Variants in NALCN observed in about 807,000 individuals in gnomAD.
NALCN encodes sodium leak channel, non-selective.
A neutral mutation model predicts 225.3 loss-of-function variants in NALCN; 111 were observed. That is an observed-to-expected ratio of 0.49 (90% CI 0.42 to 0.58). The LOEUF is 0.58. Among genes scored for constraint, NALCN ranks in the 20% least tolerant of loss-of-function variants. NALCN has a pLI of 0.00. For missense variants in NALCN, 1,378 were observed against 2,202.4 expected (o/e 0.63, Z 7.49); for synonymous variants, 764 against 769.0 (o/e 0.99, Z 0.11).
chr13:101,152,327 G>T (rs988005558), intron 15 of NALCN, among the ~76,000 whole-genome samples: 1 of 152,146 alleles, frequency 6.6e-6, no homozygotes, highest in Non-Finnish European at 1.5e-5. Context: ...CTCTGTTTTC[G>T]GAGGGGCGGA....
Position 101,095,638 on chromosome 13 carries a change from T to C in NALCN, c.3205A>G (p.Lys1069Glu). The change falls in exon 28 of 44, where the codon AAG becomes GAG. Residue 1069 changes from lysine (K) to glutamate (E), a missense_variant. Transcript: ENST00000251127. The part of the protein sequence containing the change: ...GIFRINVSVS[K>E]NLNLKLRPGE... Reference sequence around the variant, plus strand: ...GGCCTCAATTTTAAATTTAAGTTCTTTGACACACTGACATTAATTCTGAAT... The same window carrying C: ...GGCCTCAATTTTAAATTTAAGTTCTCTGACACACTGACATTAATTCTGAAT... 1 of 1,613,274 alleles carries C rather than the reference T, an allele frequency of 6.2e-7. No individual in the cohort carries two copies. The highest frequency in any genetic ancestry group is 8.5e-7 in the Non-Finnish European group (1 of 1,179,510).
At chr13:101,260,648 T>C (rs1366727246) in intron 10 of NALCN, among the ~76,000 whole-genome samples, 1 of 152,240 alleles carries the variant, frequency 6.6e-6, no homozygotes, top group African/African-American at 2.4e-5. Context: ...TTCATATGCC[T>C]GTTTGTGTCA....
chr13:101,129,722 T>G (rs867490262), intron 17 of NALCN, among the ~76,000 whole-genome samples: 87 of 152,082 alleles, frequency 5.7e-4, no homozygotes, highest in Middle Eastern at 3.4e-3. Flanking sequence ...AGGATTTTTT[T>G]TTTTTTTTTT....
At chr13:101,117,309 T>C (rs888291092) in intron 18 of NALCN, among the ~76,000 whole-genome samples, 2 of 152,210 alleles carry the variant, frequency 1.3e-5, no homozygotes, top group Admixed American at 6.5e-5. Flanking sequence ...CGTGCATCTA[T>C]TAAATTTCAG....
chr13:101,251,691 C>A (rs17583080), intron 11 of NALCN, among the ~76,000 whole-genome samples: 3,212 of 152,190 alleles, frequency 0.021, 55 homozygotes, highest in Non-Finnish European at 0.031. Context: ...TATTAATACA[C>A]AAAGGCTAAT....
At chr13:101,138,006 C>T (rs1027492134) in intron 17 of NALCN, among the ~76,000 whole-genome samples, 21 of 152,194 alleles carry the variant, frequency 1.4e-4, no homozygotes, top group African/African-American at 4.1e-4. Context: ...CATCGAGCAC[C>T]TGATGCTTTG....
At chr13:101,094,930 A>G (rs887981707) in intron 28 of NALCN, among the ~76,000 whole-genome samples, 1 of 152,230 alleles carries the variant, frequency 6.6e-6, no homozygotes, top group African/African-American at 2.4e-5. Context: ...TAAAGGACAA[A>G]TGAAGGTGAC....
At chr13:101,354,574 C>T (rs1669981505) in intron 6 of NALCN, among the ~76,000 whole-genome samples, 1 of 152,090 alleles carries the variant, frequency 6.6e-6, no homozygotes, top group Admixed American at 6.5e-5. Flanking sequence ...TGGAAAGGGG[C>T]CACCAGAATT....
At position 101,237,629 on chromosome 13, in the gene NALCN, T is replaced by C. The variant is rs4322520; in HGVS notation, c.1434+126A>G. 275,833 of 431,560 alleles carry C rather than the reference T, an allele frequency of 0.64. 89,695 individuals carry two copies. Among genetic ancestry groups the C allele is most frequent in the East Asian group, 0.93 (17,836 of 19,132 alleles). The allele number at this position is 431,560 out of a possible 1,614,324, so 26.7% of individuals were successfully genotyped here. ...TCATTGTGCCTTTCTCAAGTTCATA[T>C]TTACCATAATAGTTATTATATATAA... is the stretch of plus-strand genomic sequence containing the variant. On this transcript the variant is annotated intron_variant, in intron 12 of 43. Transcript: ENST00000251127.
At chr13:101,239,232 C>T (rs898085890) in intron 11 of NALCN, among the ~76,000 whole-genome samples, 5 of 151,854 alleles carry the variant, frequency 3.3e-5, no homozygotes, top group African/African-American at 9.7e-5. Flanking sequence ...ACAATTGTTA[C>T]AATTTATGAA....
At chr13:101,378,741 T>C in intron 3 of NALCN, 88 bp from the exon 4 acceptor site, 1 of 1,143,086 alleles carries the variant, frequency 8.7e-7, no homozygotes, top group Non-Finnish European at 1.3e-6. Context: ...ATTATTTCAA[T>C]AAAAGCTATC....
intron 15 of NALCN, among the ~76,000 whole-genome samples, chr13:101,170,146 T>C (rs2038645354): frequency 6.6e-6 from 1 of 152,088 alleles, no homozygotes; most frequent in Non-Finnish European, 1.5e-5. Context: ...AAAATATACA[T>C]CAGTATTTAT....
intron 14 of NALCN, among the ~76,000 whole-genome samples, chr13:101,188,492 C>T (rs994812377): frequency 2.6e-5 from 4 of 151,820 alleles, no homozygotes; most frequent in African/African-American, 9.7e-5. Flanking sequence ...TAATATTAAT[C>T]TTCAGAATTT....
chr13:101,171,225 A>G (rs1010950629), intron 15 of NALCN, among the ~76,000 whole-genome samples: 1 of 149,178 alleles, frequency 6.7e-6, no homozygotes, highest in East Asian at 1.9e-4. Context: ...TAATTTTTAT[A>G]TACTGTTACA....
chr13:101,314,837 G>A (rs2044494811), intron 7 of NALCN, among the ~76,000 whole-genome samples: 1 of 152,134 alleles, frequency 6.6e-6, no homozygotes, highest in Non-Finnish European at 1.5e-5. Context: ...TGTATTTAAC[G>A]TGTCATTTGG....
rs1213011529 is a variant in NALCN, at chr13:101,395,246, T to C, written c.228A>G (p.Thr76=). 8.1e-6 allele frequency: 13 copies of C among 1,613,910 alleles called. No homozygotes were observed. The highest frequency in any genetic ancestry group is 1.6e-4 in the Middle Eastern group (1 of 6,082). ...CTGCCGTGTAGAGAAACATCAATAA[T>C]GTATCCAAAGTGAAGGTCACATACT... ...PLQYVTFTLD[T]LLMFLYTAEM... The change falls in exon 3 of 44, where the codon ACA becomes ACG. Residue 76 remains threonine (T), a synonymous_variant. Coordinates refer to ENST00000251127, the MANE Select transcript of NALCN (RefSeq NM_052867.4).
chr13:101,253,088 T>C (rs1309116308), intron 11 of NALCN, among the ~76,000 whole-genome samples: 1 of 152,112 alleles, frequency 6.6e-6, no homozygotes, highest in Non-Finnish European at 1.5e-5. Flanking sequence ...AATAATAATA[T>C]ATTCTCTTAG....
At chr13:101,394,874 G>A (rs1433729640) in intron 3 of NALCN, among the ~76,000 whole-genome samples, 1 of 152,174 alleles carries the variant, frequency 6.6e-6, no homozygotes, top group Non-Finnish European at 1.5e-5. Flanking sequence ...CCTGTGCTGG[G>A]TTGTGGGCTC....
intron 9 of NALCN, among the ~76,000 whole-genome samples, 163 bp from the exon 10 acceptor site, chr13:101,284,182 C>A (rs1265759324): frequency 6.6e-6 from 1 of 152,080 alleles, no homozygotes; most frequent in Admixed American, 6.6e-5. Flanking sequence ...ACATTGAAAG[C>A]TTAAATGAAT....
Sources: gnomAD v4.1 joint callset for allele counts (sites outside exome capture counted in the v4.1 genomes callset) on GRCh38, gnomAD v4.1.1 for gene constraint, MANE v1.5 for transcripts, NCBI Gene and HGNC (gene_info 2026-07-23, HGNC 2026-07-21) for gene names.